GLB1: variants seen among roughly 807,000 people sequenced by gnomAD.
GLB1 encodes beta-galactosidase.
GLB1 carries 56 observed loss-of-function variants against 74.0 expected under a neutral mutation model. The observed-to-expected ratio is 0.76, with a 90% CI of 0.61 to 0.94. GLB1 has a LOEUF of 0.94. GLB1 is among the 40% of genes least tolerant of loss of function. The pLI, the probability that GLB1 is intolerant of heterozygous loss-of-function variation, is 0.00. For missense variants in GLB1, 787 were observed against 845.5 expected, an observed-to-expected ratio of 0.93 and a Z score of 0.86; for synonymous variants, 323 against 323.6, an observed-to-expected ratio of 1.00 and a Z score of 0.02.
intron 1 of GLB1, among the ~76,000 whole-genome samples, chr3:33,078,866 CA>C (rs1700222007): frequency 6.6e-6 from 1 of 151,868 alleles, no homozygotes; most frequent in Non-Finnish European, 1.5e-5. Context: ...TTTTTGGATA[CA>C]GGGTCTTGCT....
the GLB1 span, among the ~76,000 whole-genome samples, chr3:32,974,651 T>C: frequency 2.0e-5 from 3 of 152,148 alleles, no homozygotes; most frequent in African/African-American, 7.2e-5. Context: ...CAGTAGAGCC[T>C]ATGGTGTAAG....
At chr3:32,994,726 G>C (rs7631407), downstream of GLB1, among the ~76,000 whole-genome samples, 35,687 of 151,868 alleles carry the variant, frequency 0.23, 5,133 homozygotes, top group Middle Eastern at 0.4. Context: ...TTTGAGACCA[G>C]CCTGACCAAC....
At chr3:32,971,918 T>C in the GLB1 span, among the ~76,000 whole-genome samples, 1 of 152,140 alleles carries the variant, frequency 6.6e-6, no homozygotes, top group Non-Finnish European at 1.5e-5. Context: ...GCATGTGTGT[T>C]AAAAACAATC....
chr3:32,967,080 T>C, the GLB1 span, among the ~76,000 whole-genome samples: 36 of 152,350 alleles, frequency 2.4e-4, no homozygotes, highest in South Asian at 7.5e-3. Flanking sequence ...AAGACTAGGA[T>C]GTCTGCTCTT....
the GLB1 span, among the ~76,000 whole-genome samples, chr3:32,966,439 T>A: frequency 2.0e-5 from 3 of 152,218 alleles, no homozygotes; most frequent in Admixed American, 2.0e-4. Context: ...AGCAGCTGTA[T>A]TTACCCAATG....
chr3:32,979,850 T>C, the GLB1 span, among the ~76,000 whole-genome samples: 1 of 92,156 alleles, frequency 1.1e-5, no homozygotes, highest in Non-Finnish European at 2.0e-5. Context: ...AGACCCTGTC[T>C]CAAAAAAAAA....
intron 10 of GLB1, chr3:33,030,040 C>T (rs559243573): frequency 1.1e-4 from 16 of 151,700 alleles, no homozygotes; most frequent in African/African-American, 3.6e-4. Flanking sequence ...ACTTGGCTGA[C>T]AAGTGGGTCA....
At chr3:33,078,504 A>G (rs998169500) in intron 1 of GLB1, among the ~76,000 whole-genome samples, 1 of 152,242 alleles carries the variant, frequency 6.6e-6, no homozygotes, top group Non-Finnish European at 1.5e-5. Flanking sequence ...AGTAGTCCTC[A>G]TTATTGAATC....
chr3:33,065,340 G>T, intron 5 of GLB1, 123 bp downstream of exon 5: 1 of 1,296,900 alleles, frequency 7.7e-7, no homozygotes, highest in Non-Finnish European at 1.1e-6. Context: ...AGCACTATCT[G>T]TGGCATTACC....
At chr3:32,963,938 T>A in the GLB1 span, among the ~76,000 whole-genome samples, 1 of 152,196 alleles carries the variant, frequency 6.6e-6, no homozygotes, top group Non-Finnish European at 1.5e-5. Context: ...AGAGATACTC[T>A]AGAACATAGG....
At position 33,024,293 on chromosome 3, in the gene GLB1, T is replaced by C. The variant is rs763663574; in HGVS notation, c.1101A>G (p.Pro367=). 3.1e-6 allele frequency: 5 copies of C among 1,612,410 alleles called. No individual in the cohort carries two copies. In the Admixed American group the frequency reaches 8.3e-5, roughly 27 times the overall value. Residue 367 remains proline, a synonymous_variant, in exon 11 of 16, where the codon CCA becomes CCG. Transcript: ENST00000307363. The part of the protein sequence containing the change: ...FEKVPEGPIP[P]STPKFAYGKV... ...TTCCATATGCAAACTTTGGTGTAGA[T>C]GGAGGGATAGGACCTTCTGGTACTT...
chr3:32,968,856 G>A, the GLB1 span, among the ~76,000 whole-genome samples: 3 of 152,184 alleles, frequency 2.0e-5, no homozygotes, highest in Admixed American at 6.5e-5. Context: ...TCATGGCATC[G>A]CCCAGTGACA....
At chr3:33,059,211 A>G (rs915408172) in intron 5 of GLB1, among the ~76,000 whole-genome samples, 3 of 151,450 alleles carry the variant, frequency 2.0e-5, no homozygotes. Flanking sequence ...TGCTTTGGGG[A>G]TAAAAAAAAT....
intron 15 of GLB1, among the ~76,000 whole-genome samples, chr3:33,003,984 C>T (rs1438498962): frequency 2.6e-5 from 4 of 151,782 alleles, no homozygotes; most frequent in Non-Finnish European, 5.9e-5. Flanking sequence ...GAGCTGAGAT[C>T]GTGTCGCTGC....
chr3:33,058,984 T>A (rs114390476), intron 5 of GLB1, among the ~76,000 whole-genome samples: 5,359 of 152,298 alleles, frequency 0.035, 133 homozygotes, highest in African/African-American at 0.07. Context: ...TGGCTATGTC[T>A]GGAAATGTTT....
chr3:33,044,687 T>C (rs549806670), intron 10 of GLB1, among the ~76,000 whole-genome samples: 9 of 152,290 alleles, frequency 5.9e-5, no homozygotes, highest in African/African-American at 1.9e-4. Context: ...GTATTTTTTA[T>C]ATTTAAAAAA....
chr3:32,991,828 C>T (rs1388331233), downstream of GLB1, among the ~76,000 whole-genome samples: 3 of 152,206 alleles, frequency 2.0e-5, no homozygotes, highest in African/African-American at 4.8e-5. Flanking sequence ...GAAGCCCCAA[C>T]GTCACAGAAC....
chr3:33,057,017 G>A (rs1305303939), intron 6 of GLB1, among the ~76,000 whole-genome samples: 1 of 152,194 alleles, frequency 6.6e-6, no homozygotes, highest in Non-Finnish European at 1.5e-5. Context: ...CAAATCTCAT[G>A]TCGAACTATA....
chr3:33,087,439 G>A (rs937286033), intron 1 of GLB1, among the ~76,000 whole-genome samples: 5 of 151,994 alleles, frequency 3.3e-5, no homozygotes, highest in Middle Eastern at 3.2e-3. Flanking sequence ...GTGTGGTGGC[G>A]CGTGCCTGTG....
Sources: allele counts gnomAD v4.1 joint callset (sites outside exome capture counted in the v4.1 genomes callset), GRCh38; gene constraint gnomAD v4.1.1; transcripts MANE v1.5; gene names NCBI Gene and HGNC (gene_info 2026-07-23, HGNC 2026-07-21).